Variants in ECM2 observed in about 807,000 individuals in gnomAD.
ECM2 encodes extracellular matrix protein 2, also known as extracellular matrix protein 2, female organ and adipocyte specific.
ECM2 carries 57 observed loss-of-function variants against 67.5 expected under a neutral mutation model. The ratio of observed to expected loss-of-function variants is 0.84; its 90% CI spans 0.68 to 1.05. ECM2 has a LOEUF of 1.05. ECM2 is among the 50% of genes least tolerant of loss of function. The probability of loss-of-function intolerance (pLI) is 0.00; values close to 1 mark genes in which losing one functional copy is unlikely to be tolerated. For synonymous variants in ECM2, 258 were observed against 294.5 expected (o/e 0.88, Z 1.27); for missense variants, 741 against 822.8 (o/e 0.90, Z 1.22).
intron 4 of ECM2, 40 bp downstream of exon 4, chr9:92,514,591 T>G (rs1563978888): frequency 3.9e-6 from 6 of 1,530,034 alleles, no homozygotes; most frequent in Non-Finnish European, 5.3e-6. Flanking sequence ...AGTCATTTAC[T>G]TTTAAAGCAC....
At chr9:92,526,996 T>C (rs985488815) in intron 1 of ECM2, among the ~76,000 whole-genome samples, 10 of 152,052 alleles carry the variant, frequency 6.6e-5, no homozygotes, top group Non-Finnish European at 4.4e-5. Flanking sequence ...TATGTGTAGA[T>C]ATGTTTATTA....
intron 4 of ECM2, among the ~76,000 whole-genome samples, chr9:92,512,901 C>A (rs1170725642): frequency 6.6e-6 from 1 of 152,098 alleles, no homozygotes; most frequent in Non-Finnish European, 1.5e-5. Flanking sequence ...GGTGTATAGG[C>A]CACAGGAGGA....
downstream of ECM2, chr9:92,494,186 C>CGTTTAGTATCTGTCTCTGT (rs1846251175): frequency 6.3e-7 from 1 of 1,582,986 alleles, no homozygotes; most frequent in Non-Finnish European, 8.6e-7. Flanking sequence ...ATGAATGAAT[C>CGTTTAGTATCTGTCTCTGT]GTTTAGTATC....
chr9:92,558,268 G>T, the ECM2 span, among the ~76,000 whole-genome samples: 2 of 152,162 alleles, frequency 1.3e-5, no homozygotes, highest in Non-Finnish European at 2.9e-5. Flanking sequence ...ATTTAGGTAG[G>T]TTCTATCAGA....
intron 1 of ECM2, among the ~76,000 whole-genome samples, chr9:92,525,782 C>T (rs1427908597): frequency 3.3e-5 from 5 of 150,098 alleles, no homozygotes; most frequent in South Asian, 4.2e-4. Context: ...CCCAGCAACT[C>T]GGGAGGCTGA....
At chr9:92,494,088 A>G (rs746703668), downstream of ECM2, 21 of 1,597,364 alleles carry the variant, frequency 1.3e-5, no homozygotes, top group Non-Finnish European at 2.5e-6. Flanking sequence ...TGCCTCTACC[A>G]GAGAGGAAAG....
At chr9:92,542,170 C>T in the ECM2 span, among the ~76,000 whole-genome samples, 1 of 152,150 alleles carries the variant, frequency 6.6e-6, no homozygotes, top group Non-Finnish European at 1.5e-5. Context: ...TGAGGAACCT[C>T]CATACAGTAT....
At chr9:92,552,080 CATATATGTGATATGATAGATCTATCAT>C in the ECM2 span, among the ~76,000 whole-genome samples, 135 of 74,502 alleles carry the variant, frequency 1.8e-3, no homozygotes, top group Middle Eastern at 8.5e-3. Context: ...ATAGATCTAT[CATATATGTGATATGATAGATCTATCAT>C]ATATATGTGA....
the ECM2 span, among the ~76,000 whole-genome samples, chr9:92,551,405 A>G: frequency 6.6e-6 from 1 of 152,156 alleles, no homozygotes; most frequent in Admixed American, 6.5e-5. Flanking sequence ...TGGCACAACC[A>G]TGGCTTACTG....
At chr9:92,494,153 A>G (rs766693756), downstream of ECM2, 5 of 1,597,054 alleles carry the variant, frequency 3.1e-6, no homozygotes, top group African/African-American at 5.3e-5. Context: ...AACACAGCTG[A>G]ATAAAGTCAG....
the ECM2 span, among the ~76,000 whole-genome samples, chr9:92,551,938 T>TATG: frequency 3.5e-5 from 3 of 86,672 alleles, no homozygotes; most frequent in South Asian, 2.8e-4. Context: ...TATATATATA[T>TATG]ATATATATAT....
upstream of ECM2, among the ~76,000 whole-genome samples, chr9:92,541,279 T>C (rs1165566155): frequency 6.6e-6 from 1 of 151,638 alleles, no homozygotes; most frequent in Non-Finnish European, 1.5e-5. Flanking sequence ...AAAATAAAAA[T>C]TATCATCTCA....
the ECM2 span, among the ~76,000 whole-genome samples, chr9:92,551,939 AT>A: frequency 1.2e-5 from 1 of 84,942 alleles, no homozygotes; most frequent in Non-Finnish European, 2.2e-5. Flanking sequence ...ATATATATAT[AT>A]ATATATATAT....
intron 6 of ECM2, among the ~76,000 whole-genome samples, chr9:92,508,579 AC>A (rs1847150062): frequency 6.6e-6 from 1 of 152,190 alleles, no homozygotes; most frequent in African/African-American, 2.4e-5. Flanking sequence ...AATTGCTGAC[AC>A]CCTTTGGTCT....
At chr9:92,549,654 A>AAAAAC in the ECM2 span, among the ~76,000 whole-genome samples, 1 of 143,218 alleles carries the variant, frequency 7.0e-6, no homozygotes, top group African/African-American at 2.8e-5. Context: ...CTCAAAAAAA[A>AAAAAC]AAAACAAAAC....
the ECM2 span, among the ~76,000 whole-genome samples, chr9:92,554,431 C>T: frequency 6.6e-6 from 1 of 152,176 alleles, no homozygotes; most frequent in East Asian, 1.9e-4. Context: ...GATCCACCCG[C>T]ATCACCCTCC....
At chr9:92,531,721 A>G (rs1471795389) in intron 1 of ECM2, among the ~76,000 whole-genome samples, 2 of 152,082 alleles carry the variant, frequency 1.3e-5, no homozygotes, top group Admixed American at 6.5e-5. Context: ...CTAAACATTT[A>G]TCATTTTCCT....
intron 2 of ECM2, among the ~76,000 whole-genome samples, chr9:92,521,899 T>C (rs1237512724): frequency 6.6e-6 from 1 of 152,216 alleles, no homozygotes; most frequent in Non-Finnish European, 1.5e-5. Context: ...AATGTTTATG[T>C]ATATTATCTA....
At chr9:92,554,929 C>T in the ECM2 span, among the ~76,000 whole-genome samples, 1 of 152,164 alleles carries the variant, frequency 6.6e-6, no homozygotes, top group South Asian at 2.1e-4. Context: ...AGCCACTGCG[C>T]CTGGCCTTCA....
Sources: allele counts gnomAD v4.1 joint callset (sites outside exome capture counted in the v4.1 genomes callset), GRCh38; gene constraint gnomAD v4.1.1; transcripts MANE v1.5; gene names NCBI Gene and HGNC (gene_info 2026-07-23, HGNC 2026-07-21).